ALK: variants seen among roughly 807,000 people sequenced by gnomAD.
The protein encoded by ALK is ALK tyrosine kinase receptor.
A neutral mutation model predicts 163.1 loss-of-function variants in ALK; 74 were observed. That is an observed-to-expected ratio of 0.45 (90% CI 0.38 to 0.55). The LOEUF is 0.55. ALK is among the 20% of genes least tolerant of loss of function. The pLI, the probability that ALK is intolerant of heterozygous loss-of-function variation, is 0.00. For synonymous variants in ALK, 960 were observed against 843.2 expected (o/e 1.14, Z -2.40); for missense variants, 2,063 against 2,105.3 (o/e 0.98, Z 0.39).
intron 9 of ALK, 73 bp from the exon 10 acceptor site, chr2:29,275,569 G>A: frequency 1.4e-6 from 2 of 1,479,876 alleles, no homozygotes; most frequent in Non-Finnish European, 1.9e-6. Context: ...CATCCAGCAG[G>A]TGTGTGCTGA....
intron 1 of ALK, among the ~76,000 whole-genome samples, chr2:29,844,353 C>T (rs1215596974): frequency 1.3e-5 from 2 of 152,130 alleles, no homozygotes; most frequent in Non-Finnish European, 2.9e-5. Flanking sequence ...AGGTGCAGAT[C>T]ATGTACCTCG....
At chr2:29,468,939 G>C (rs922053990) in intron 4 of ALK, among the ~76,000 whole-genome samples, 2 of 151,026 alleles carry the variant, frequency 1.3e-5, no homozygotes, top group Non-Finnish European at 2.9e-5. Flanking sequence ...TTATGCCTGA[G>C]GTTGCAATTT....
intron 2 of ALK, among the ~76,000 whole-genome samples, chr2:29,708,214 C>T (rs1038886838): frequency 1.3e-5 from 2 of 152,124 alleles, no homozygotes; most frequent in Admixed American, 6.6e-5. Context: ...ATTACAGGTG[C>T]CTGCCACCAT....
rs535673561 is a variant in ALK at position 29,882,799 on chromosome 2, C to T, written c.667+37194G>A. Among the ~76,000 whole-genome samples the T allele has an allele frequency of 7.9e-5, 12 of 152,304 alleles. No homozygotes were observed. In the South Asian group the frequency reaches 2.5e-3, roughly 32 times the overall value. On this transcript the variant is annotated intron_variant, in intron 1 of 28. Transcript: ENST00000389048. ...TAAAGTTGCCAGATAAAATCCAGGA[C>T]ACCCAGTTAAATTTTGACTTTCAGA...
chr2:29,468,326 C>T (rs754992226), intron 4 of ALK, among the ~76,000 whole-genome samples: 6 of 152,060 alleles, frequency 3.9e-5, no homozygotes, highest in Non-Finnish European at 8.8e-5. Context: ...TGCACCTGGC[C>T]AATAATTTTT....
intron 3 of ALK, among the ~76,000 whole-genome samples, chr2:29,556,359 C>T (rs986248213): frequency 6.6e-6 from 1 of 152,196 alleles, no homozygotes; most frequent in Non-Finnish European, 1.5e-5. Context: ...ATGCTTAGCA[C>T]ACTGTGTGGC....
At chr2:29,234,980 T>A (rs892917347) in intron 13 of ALK, among the ~76,000 whole-genome samples, 1 of 152,232 alleles carries the variant, frequency 6.6e-6, no homozygotes, top group East Asian at 1.9e-4. Flanking sequence ...CCCAAAGTGC[T>A]GGGATTACAG....
At chr2:29,596,469 T>C (rs1021883665) in intron 3 of ALK, among the ~76,000 whole-genome samples, 1 of 152,172 alleles carries the variant, frequency 6.6e-6, no homozygotes, top group Non-Finnish European at 1.5e-5. Context: ...TAGTGTTCCC[T>C]GAAGAGAGAG....
intron 1 of ALK, among the ~76,000 whole-genome samples, chr2:29,722,366 C>T (rs1679446287): frequency 6.6e-6 from 1 of 152,204 alleles, no homozygotes; most frequent in Non-Finnish European, 1.5e-5. Context: ...TTTACCCATG[C>T]TCACACAAAC....
intron 3 of ALK, among the ~76,000 whole-genome samples, chr2:29,625,469 C>A (rs1676166233): frequency 6.6e-6 from 1 of 152,042 alleles, no homozygotes; most frequent in East Asian, 1.9e-4. Flanking sequence ...TTTCAATAGC[C>A]CTGCAAAGTA....
At chr2:29,841,777 G>A (rs565727390) in intron 1 of ALK, among the ~76,000 whole-genome samples, 28 of 152,194 alleles carry the variant, frequency 1.8e-4, no homozygotes, top group Admixed American at 8.5e-4. Flanking sequence ...AATACCCATC[G>A]AAACTAGTTT....
chr2:29,886,337 T>C (rs747226643), intron 1 of ALK, among the ~76,000 whole-genome samples: 2 of 152,234 alleles, frequency 1.3e-5, no homozygotes, highest in Non-Finnish European at 2.9e-5. Context: ...TTTTTGACTG[T>C]GTAAAGGGTC....
intron 4 of ALK, among the ~76,000 whole-genome samples, chr2:29,507,962 A>C (rs1442242903): frequency 6.6e-6 from 1 of 152,166 alleles, no homozygotes; most frequent in Admixed American, 6.5e-5. Context: ...CACACCAATC[A>C]CTGTATGTTT....
chr2:29,391,501 G>T (rs1200958405), intron 4 of ALK, among the ~76,000 whole-genome samples: 1 of 152,064 alleles, frequency 6.6e-6, no homozygotes, highest in Non-Finnish European at 1.5e-5. Context: ...GGGTTTCCCC[G>T]TGTTGGCCAG....
At chr2:29,750,867 C>T (rs142921865) in intron 1 of ALK, among the ~76,000 whole-genome samples, 9,376 of 151,480 alleles carry the variant, frequency 0.062, 746 homozygotes, top group African/African-American at 0.19. Flanking sequence ...GTCAGGAGTT[C>T]GAGACCAGCC....
At chr2:29,906,587 A>G (rs1667554247) in intron 1 of ALK, among the ~76,000 whole-genome samples, 1 of 152,168 alleles carries the variant, frequency 6.6e-6, no homozygotes, top group South Asian at 2.1e-4. Context: ...TAAAAGACAT[A>G]AGACAGAGAG....
chr2:29,523,030 TG>T (rs1348364256), intron 4 of ALK, among the ~76,000 whole-genome samples: 1 of 152,086 alleles, frequency 6.6e-6, no homozygotes, highest in Non-Finnish European at 1.5e-5. Flanking sequence ...GGACTGCTTT[TG>T]TGGAGAGGGA....
At chr2:29,280,210 T>C (rs1665673137) in intron 9 of ALK, among the ~76,000 whole-genome samples, 1 of 151,884 alleles carries the variant, frequency 6.6e-6, no homozygotes, top group South Asian at 2.1e-4. Context: ...GAGGGGAGGT[T>C]ATGGTATATA....
At chr2:29,291,236 C>T (rs955962092) in intron 9 of ALK, among the ~76,000 whole-genome samples, 1 of 151,684 alleles carries the variant, frequency 6.6e-6, no homozygotes, top group Non-Finnish European at 1.5e-5. Context: ...TGGTGGTGCA[C>T]GCCTGTAGTT....
Sources: gnomAD v4.1 joint callset for allele counts (sites outside exome capture counted in the v4.1 genomes callset) on GRCh38, gnomAD v4.1.1 for gene constraint, MANE v1.5 for transcripts, NCBI Gene and HGNC (gene_info 2026-07-23, HGNC 2026-07-21) for gene names.